The following MGAT4C variants were observed in gnomAD, a reference collection of about 807,000 sequenced individuals.
MGAT4C encodes alpha-1,3-mannosyl-glycoprotein 4-beta-N-acetylglucosaminyltransferase C.
Under a neutral mutation model 40.1 loss-of-function variants are expected in MGAT4C, and 19 were observed. The observed-to-expected ratio is 0.47, with a 90% CI of 0.33 to 0.70. The LOEUF is 0.70. Ranked by LOEUF, MGAT4C falls within the 30% of genes least tolerant of loss-of-function variation. The pLI is 0.02. For missense variants in MGAT4C, 491 were observed against 563.2 expected (o/e 0.87, Z 1.30); for synonymous variants, 181 against 187.1 (o/e 0.97, Z 0.27).
intron 1 of MGAT4C, among the ~76,000 whole-genome samples, chr12:86,754,705 G>A (rs1390989583): frequency 6.6e-6 from 1 of 152,070 alleles, no homozygotes; most frequent in Admixed American, 6.6e-5. Context: ...AATGGAATTA[G>A]GCTATATATT....
intron 3 of MGAT4C, among the ~76,000 whole-genome samples, chr12:86,411,339 G>C (rs1030187067): frequency 6.6e-6 from 1 of 152,188 alleles, no homozygotes. Context: ...AATGCTGATA[G>C]TGATATGGAT....
intron 1 of MGAT4C, among the ~76,000 whole-genome samples, chr12:86,224,634 C>A (rs947413925): frequency 2.0e-5 from 3 of 152,030 alleles, no homozygotes; most frequent in African/African-American, 7.2e-5. Flanking sequence ...AAACTGAAAT[C>A]AACAACAGGA....
At chr12:86,666,940 A>C (rs1964123326) in intron 2 of MGAT4C, among the ~76,000 whole-genome samples, 1 of 152,188 alleles carries the variant, frequency 6.6e-6, no homozygotes, top group Non-Finnish European at 1.5e-5. Context: ...CTGTCATCAG[A>C]ATCAATAGAA....
chr12:86,268,678 T>TATATATATAC (rs1555261517), intron 4 of MGAT4C, among the ~76,000 whole-genome samples: 1 of 139,906 alleles, frequency 7.1e-6, no homozygotes, highest in Admixed American at 7.0e-5. Flanking sequence ...TATATATATA[T>TATATATATAC]ACATATATAC....
At chr12:86,739,689 C>G (rs976320269) in intron 1 of MGAT4C, among the ~76,000 whole-genome samples, 1 of 150,812 alleles carries the variant, frequency 6.6e-6, no homozygotes, top group Non-Finnish European at 1.5e-5. Flanking sequence ...TGAGGATATG[C>G]ACAGGTTATA....
At chr12:86,547,518 G>A (rs1959201926) in intron 2 of MGAT4C, among the ~76,000 whole-genome samples, 1 of 152,000 alleles carries the variant, frequency 6.6e-6, no homozygotes, top group South Asian at 2.1e-4. Context: ...CTGGTTCATA[G>A]CATGTACTCA....
At chr12:86,068,854 G>T (rs1894809725) in intron 1 of MGAT4C, among the ~76,000 whole-genome samples, 1 of 152,072 alleles carries the variant, frequency 6.6e-6, no homozygotes, top group African/African-American at 2.4e-5. Flanking sequence ...CTTGGGGTGG[G>T]CTTTCTCTTC....
At chr12:86,352,660 A>G (rs1341106156) in intron 3 of MGAT4C, among the ~76,000 whole-genome samples, 1 of 152,112 alleles carries the variant, frequency 6.6e-6, no homozygotes, top group Non-Finnish European at 1.5e-5. Context: ...GTTGTTTCTT[A>G]GTTGCATTTT....
intron 4 of MGAT4C, among the ~76,000 whole-genome samples, chr12:86,295,737 A>G (rs1953651861): frequency 1.3e-5 from 2 of 151,848 alleles, no homozygotes; most frequent in South Asian, 2.1e-4. Context: ...AAGGTTCTCC[A>G]CCTCCCCATC....
At chr12:86,352,617 T>C (rs1343436405) in intron 3 of MGAT4C, among the ~76,000 whole-genome samples, 1 of 152,154 alleles carries the variant, frequency 6.6e-6, no homozygotes, top group Admixed American at 6.6e-5. Flanking sequence ...CATAGATACA[T>C]TATACTTCTT....
intron 1 of MGAT4C, among the ~76,000 whole-genome samples, chr12:86,183,621 C>G (rs910514068): frequency 2.6e-5 from 4 of 152,080 alleles, no homozygotes; most frequent in African/African-American, 9.7e-5. Context: ...AATTTACTTC[C>G]CCCAGTTCTA....
chr12:86,120,689 G>A (rs1453473770), intron 1 of MGAT4C, among the ~76,000 whole-genome samples: 2 of 152,182 alleles, frequency 1.3e-5, no homozygotes, highest in Non-Finnish European at 2.9e-5. Context: ...CTGACTGTTA[G>A]AAGGAAAACT....
chr12:86,175,462 A>G (rs915082817), intron 1 of MGAT4C, among the ~76,000 whole-genome samples: 1 of 152,134 alleles, frequency 6.6e-6, no homozygotes, highest in Non-Finnish European at 1.5e-5. Flanking sequence ...TCTCACATGG[A>G]CCAATGAAAT....
intron 2 of MGAT4C, among the ~76,000 whole-genome samples, chr12:86,494,325 AATTTT>A (rs1184701149): frequency 1.3e-5 from 2 of 151,936 alleles, no homozygotes; most frequent in African/African-American, 4.8e-5. Flanking sequence ...AAATTGTTCA[AATTTT>A]ATTTGATAAA....
chr12:86,163,182 A>G (rs1021819341), intron 1 of MGAT4C, among the ~76,000 whole-genome samples: 1 of 152,022 alleles, frequency 6.6e-6, no homozygotes, highest in African/African-American at 2.4e-5. Flanking sequence ...ATTATAGAAC[A>G]ACAATTAGAA....
At chr12:86,371,245 G>A (rs1955709468) in intron 3 of MGAT4C, among the ~76,000 whole-genome samples, 1 of 151,850 alleles carries the variant, frequency 6.6e-6, no homozygotes, top group South Asian at 2.1e-4. Context: ...ATTGTGAAGG[G>A]AGAAAGCTTT....
At chr12:86,044,199 G>T (rs1379453421) in intron 2 of MGAT4C, among the ~76,000 whole-genome samples, 1 of 152,148 alleles carries the variant, frequency 6.6e-6, no homozygotes, top group Middle Eastern at 3.2e-3. Context: ...ATGATCCCAG[G>T]CTCCCAGCTT....
intron 1 of MGAT4C, among the ~76,000 whole-genome samples, chr12:86,203,347 C>T (rs1000268187): frequency 6.6e-6 from 1 of 152,050 alleles, no homozygotes; most frequent in African/African-American, 2.4e-5. Flanking sequence ...ACTGTATGAC[C>T]TCTTATAGTT....
intron 2 of MGAT4C, among the ~76,000 whole-genome samples, chr12:86,530,943 T>A (rs570200510): frequency 6.6e-6 from 1 of 152,194 alleles, no homozygotes; most frequent in African/African-American, 2.4e-5. Flanking sequence ...CCAAGTTCAA[T>A]GCATAATACA....
Sources: allele counts gnomAD v4.1 joint callset (sites outside exome capture counted in the v4.1 genomes callset), GRCh38; gene constraint gnomAD v4.1.1; transcripts MANE v1.5; gene names NCBI Gene and HGNC (gene_info 2026-07-23, HGNC 2026-07-21).